UNC13C: variants seen among roughly 807,000 people sequenced by gnomAD.
UNC13C encodes the protein unc-13 homolog C, also known as protein unc-13 homolog C.
A neutral mutation model predicts 245.4 loss-of-function variants in UNC13C; 174 were observed. That is an observed-to-expected ratio of 0.71 (90% confidence interval 0.63 to 0.80). UNC13C has a LOEUF of 0.80. Ranked by LOEUF, UNC13C falls within the 30% of genes least tolerant of loss-of-function variation. The probability of loss-of-function intolerance (pLI) is 0.00; values close to 1 mark genes in which losing one functional copy is unlikely to be tolerated. For missense variants in UNC13C, 2,829 were observed against 2,602.9 expected (o/e 1.09, Z -1.89); for synonymous variants, 992 against 895.1 (o/e 1.11, Z -1.93).
At chr15:54,173,179 C>G (rs2033481312) in intron 4 of UNC13C, among the ~76,000 whole-genome samples, 1 of 151,858 alleles carries the variant, frequency 6.6e-6, no homozygotes, top group Non-Finnish European at 1.5e-5. Flanking sequence ...ATTTTGTTAT[C>G]TTTTTACAAG....
the UNC13C span, among the ~76,000 whole-genome samples, chr15:53,872,815 C>A: frequency 2.6e-5 from 4 of 152,186 alleles, no homozygotes; most frequent in African/African-American, 9.6e-5. Flanking sequence ...CATTATCCTT[C>A]TAGGCTGGTT....
intron 4 of UNC13C, among the ~76,000 whole-genome samples, chr15:54,159,610 T>A (rs2032892376): frequency 6.6e-6 from 1 of 152,108 alleles, no homozygotes; most frequent in Non-Finnish European, 1.5e-5. Flanking sequence ...TAATCTAGAG[T>A]TTAAGGGCCT....
At chr15:53,879,305 G>A in the UNC13C span, among the ~76,000 whole-genome samples, 1 of 152,038 alleles carries the variant, frequency 6.6e-6, no homozygotes, top group Non-Finnish European at 1.5e-5. Flanking sequence ...GGGACTACAG[G>A]CACACACCAC....
rs191054059 is a variant in UNC13C at position 54,354,932 on chromosome 15, C to T, written c.4713+16443C>T. 1.2e-4 allele frequency among the ~76,000 whole-genome samples: 18 copies of T among 152,208 alleles called. No individual in the cohort carries two copies. The East Asian group carries it at 2.7e-3, about 23-fold the overall frequency. On this transcript the variant is annotated intron_variant, in intron 17 of 32. Coordinates refer to ENST00000260323, the MANE Select transcript of UNC13C (RefSeq NM_001080534.3). ...AGGTGATTGGGCCACAAGGGCTCTG[C>T]CCACATGAATAAATTATTTCATTTA...
intron 28 of UNC13C, among the ~76,000 whole-genome samples, chr15:54,551,631 A>G (rs970402536): frequency 2.0e-5 from 3 of 152,150 alleles, no homozygotes; most frequent in African/African-American, 7.2e-5. Context: ...AAAGCACACT[A>G]TAAATACAAT....
rs1368098303 is a variant in UNC13C at position 54,015,224 on chromosome 15, C to T, written c.2321C>T (p.Ala774Val). ...TTGCAAAGTGATGATTCAGAGGATGCCCCACCCAAATCATGGCATAGTCGA... is the reference window on the plus strand; with the variant it reads ...TTGCAAAGTGATGATTCAGAGGATGTCCCACCCAAATCATGGCATAGTCGA... The part of the protein sequence containing the change: ...SELQSDDSED[A>V]PPKSWHSRLS... Residue 774 changes from alanine (A) to valine (V), a missense_variant, in exon 2 of 33, where the codon GCC (alanine) becomes GTC (valine). Physicochemically the swap from Ala to Val is moderately conservative, Grantham distance 64. Transcript: ENST00000260323. The T allele has an allele frequency of 7.4e-6, 12 of 1,612,932 alleles. No individual in the cohort carries two copies. The highest frequency in any genetic ancestry group is 1.7e-4 in the Middle Eastern group (1 of 6,060).
chr15:54,015,632 A>G lies in UNC13C; in HGVS notation c.2729A>G (p.Tyr910Cys). ...ATGCAAGCATATGATCACCTTTCAT[A>G]TGAAACACCTTATGAAACCCCACAA... ...EQMQAYDHLS[Y>C]ETPYETPQDE... The change falls in exon 2 of 33, where the codon TAT (tyrosine) becomes TGT (cysteine). Residue 910 changes from tyrosine (Y) to cysteine (C), a missense_variant. Coordinates refer to ENST00000260323, the MANE Select transcript of UNC13C (RefSeq NM_001080534.3). 6 of 1,613,824 alleles carry G rather than the reference A, an allele frequency of 3.7e-6. No individual in the cohort carries two copies. Among genetic ancestry groups the G allele is most frequent in the Non-Finnish European group, 5.1e-6 (6 of 1,179,782 alleles).
intron 2 of UNC13C, among the ~76,000 whole-genome samples, chr15:54,122,771 G>A (rs4776206): frequency 0.99 from 151,159 of 152,134 alleles, 75,106 homozygotes; most frequent in Middle Eastern, 1. Flanking sequence ...GCACAATGGT[G>A]TTGAGAGCTA....
chr15:53,971,705 T>A, the UNC13C span, among the ~76,000 whole-genome samples: 1 of 152,178 alleles, frequency 6.6e-6, no homozygotes, highest in Admixed American at 6.6e-5. Context: ...ACTGGAAAAT[T>A]CATCTATATG....
At chr15:54,020,471 G>C (rs1231847964) in intron 2 of UNC13C, among the ~76,000 whole-genome samples, 1 of 125,212 alleles carries the variant, frequency 8.0e-6, no homozygotes, top group Admixed American at 8.8e-5. Flanking sequence ...TTTAATTAGA[G>C]ATGGAGTTTC....
At chr15:54,085,181 G>C (rs980241367) in intron 2 of UNC13C, among the ~76,000 whole-genome samples, 5 of 152,124 alleles carry the variant, frequency 3.3e-5, no homozygotes, top group Admixed American at 2.0e-4. Flanking sequence ...AGAGAACTAA[G>C]AAGCTAGTAG....
At chr15:53,869,537 T>C in the UNC13C span, among the ~76,000 whole-genome samples, 1 of 152,228 alleles carries the variant, frequency 6.6e-6, no homozygotes, top group Non-Finnish European at 1.5e-5. Context: ...CAGTTAATAA[T>C]ATTTAATTAT....
intron 30 of UNC13C, among the ~76,000 whole-genome samples, chr15:54,619,316 A>C (rs1900650539): frequency 6.6e-6 from 1 of 152,154 alleles, no homozygotes; most frequent in Non-Finnish European, 1.5e-5. Context: ...CAACAATCCA[A>C]GGGTCAGTAA....
intron 2 of UNC13C, among the ~76,000 whole-genome samples, chr15:54,081,160 T>G (rs78582431): frequency 6.6e-6 from 1 of 152,070 alleles, no homozygotes; most frequent in African/African-American, 2.4e-5. Flanking sequence ...TGTTTTGTGG[T>G]CTGATAATAT....
intron 29 of UNC13C, among the ~76,000 whole-genome samples, chr15:54,567,420 T>G (rs1897562558): frequency 6.6e-6 from 1 of 152,138 alleles, no homozygotes. Flanking sequence ...CTGTGAAATT[T>G]TGACAACCCT....
chr15:54,568,685 A>G (rs558596676), intron 30 of UNC13C, among the ~76,000 whole-genome samples: 2 of 152,298 alleles, frequency 1.3e-5, no homozygotes, highest in South Asian at 2.1e-4. Context: ...TTCAGAACCT[A>G]ATAAAAGTTA....
intron 28 of UNC13C, among the ~76,000 whole-genome samples, chr15:54,554,926 C>G (rs895024765): frequency 6.6e-6 from 1 of 151,954 alleles, no homozygotes; most frequent in Non-Finnish European, 1.5e-5. Flanking sequence ...AAAATATTCA[C>G]AGCCAAATTT....
chr15:54,350,703 C>T (rs2038963141), intron 17 of UNC13C, among the ~76,000 whole-genome samples: 1 of 152,106 alleles, frequency 6.6e-6, no homozygotes, highest in South Asian at 2.1e-4. Context: ...TGGCCATACA[C>T]GAAATTGAAA....
chr15:54,549,165 G>C (rs1164764928), intron 27 of UNC13C, among the ~76,000 whole-genome samples: 1 of 152,126 alleles, frequency 6.6e-6, no homozygotes, highest in East Asian at 1.9e-4. Flanking sequence ...TGGGGTTCTA[G>C]AGAAAGCCTC....
Sources: gnomAD v4.1 joint callset for allele counts (sites outside exome capture counted in the v4.1 genomes callset) on GRCh38, gnomAD v4.1.1 for gene constraint, MANE v1.5 for transcripts, NCBI Gene and HGNC (gene_info 2026-07-23, HGNC 2026-07-21) for gene names.